Variants in CPQ observed in about 807,000 individuals in gnomAD.
CPQ encodes carboxypeptidase Q, also known as Ser-Met dipeptidase.
CPQ carries 37 observed loss-of-function variants against 45.7 expected under a neutral mutation model. The ratio of observed to expected loss-of-function variants is 0.81; its 90% CI spans 0.62 to 1.07. The LOEUF is 1.07. Among genes scored for constraint, CPQ ranks in the 50% least tolerant of loss-of-function variants. CPQ has a pLI of 0.00. For synonymous variants in CPQ, 186 were observed against 205.8 expected, an observed-to-expected ratio of 0.90 and a Z score of 0.82; for missense variants, 537 against 572.9, an observed-to-expected ratio of 0.94 and a Z score of 0.64.
intron 1 of CPQ, among the ~76,000 whole-genome samples, chr8:96,777,734 ATATATATATATATATATATATATATATTT>A (rs1810625339): frequency 1.5e-3 from 8 of 5,318 alleles, no homozygotes; most frequent in Non-Finnish European, 2.7e-3. Flanking sequence ...ATATATATAT[ATATATATATATATATATATATATATATTT>A]TTTTTTTTTT....
intron 4 of CPQ, among the ~76,000 whole-genome samples, chr8:96,880,344 G>A (rs569944091): frequency 8.4e-4 from 128 of 151,718 alleles, no homozygotes; most frequent in Middle Eastern, 3.4e-3. Flanking sequence ...AACAGAATTA[G>A]CGTTTGACCC....
intron 5 of CPQ, among the ~76,000 whole-genome samples, chr8:97,013,296 C>CAATAAT (rs748517315): frequency 2.0e-5 from 3 of 151,646 alleles, no homozygotes; most frequent in South Asian, 2.1e-4. Flanking sequence ...CAAGTAATAA[C>CAATAAT]AATAATAATA....
At chr8:97,070,059 G>GA (rs1357241818) in intron 7 of CPQ, among the ~76,000 whole-genome samples, 2 of 152,100 alleles carry the variant, frequency 1.3e-5, no homozygotes, top group South Asian at 2.1e-4. Context: ...AGGCTTTGGG[G>GA]AAAAAAGATT....
At chr8:96,917,217 A>G (rs958077863) in intron 4 of CPQ, among the ~76,000 whole-genome samples, 10 of 152,116 alleles carry the variant, frequency 6.6e-5, no homozygotes, top group African/African-American at 2.4e-4. Context: ...GTATATATAT[A>G]TTATCCATAA....
intron 7 of CPQ, among the ~76,000 whole-genome samples, chr8:97,125,041 T>A (rs1448293284): frequency 6.6e-6 from 1 of 152,080 alleles, no homozygotes; most frequent in African/African-American, 2.4e-5. Context: ...AGATGCAAAC[T>A]GGCAATCTCA....
At position 96,835,040 on chromosome 8, in the gene CPQ, A is replaced by C; in HGVS notation, c.501A>C (p.Arg167Ser). ...TGCAGAGAAGGGCCTCAGAAGCAAGAGGGAAGATTGTTGTTTATAACCAAC... is the reference window on the plus strand; with the variant it reads ...TGCAGAGAAGGGCCTCAGAAGCAAGCGGGAAGATTGTTGTTTATAACCAAC... Reference protein sequence around the residue: ...DELQRRASEARGKIVVYNQPY... With the variant: ...DELQRRASEASGKIVVYNQPY... Residue 167 changes from arginine to serine, a missense_variant, in exon 3 of 8, where the codon AGA becomes AGC. Transcript: ENST00000220763. 6.2e-7 allele frequency: 1 copy of C among 1,613,842 alleles called. No individual in the cohort carries two copies. Among genetic ancestry groups the C allele is most frequent in the African/African-American group, 1.3e-5 (1 of 75,040 alleles).
chr8:97,071,286 A>C (rs908604439), intron 7 of CPQ, among the ~76,000 whole-genome samples: 4 of 152,156 alleles, frequency 2.6e-5, no homozygotes, highest in African/African-American at 9.7e-5. Flanking sequence ...ATGGTACTGG[A>C]GAATCAGTAG....
chr8:97,065,621 G>A (rs1810623098), intron 6 of CPQ, among the ~76,000 whole-genome samples: 1 of 152,216 alleles, frequency 6.6e-6, no homozygotes, highest in Non-Finnish European at 1.5e-5. Flanking sequence ...TCTTTTGTCT[G>A]AGCATGGCTA....
chr8:96,735,247 G>A lies in CPQ; in HGVS notation c.-34-49617G>A, dbSNP rs187397497. 1.4e-3 allele frequency among the ~76,000 whole-genome samples: 219 copies of A among 152,258 alleles called. 4 individuals are homozygous for A. The highest frequency in any genetic ancestry group is 0.011 in the Admixed American group (170 of 15,284). On this transcript the variant is annotated intron_variant, in intron 1 of 7. Coordinates refer to ENST00000220763, the MANE Select transcript of CPQ (RefSeq NM_016134.4). ...AATCTCCCTTGTTTATTCCTTTTAT[G>A]TCTGTAGTACTAGCCTAGGGCCTGG...
chr8:96,864,932 A>G (rs1811977119), intron 3 of CPQ, among the ~76,000 whole-genome samples: 1 of 152,008 alleles, frequency 6.6e-6, no homozygotes, highest in South Asian at 2.1e-4. Flanking sequence ...ATACTGGACA[A>G]GTTACTTAAA....
At chr8:97,074,696 G>T (rs141768709) in intron 7 of CPQ, among the ~76,000 whole-genome samples, 1 of 152,076 alleles carries the variant, frequency 6.6e-6, no homozygotes, top group Non-Finnish European at 1.5e-5. Context: ...GCTTGAATCC[G>T]GGAGGCAGAG....
intron 1 of CPQ, among the ~76,000 whole-genome samples, chr8:96,673,865 G>A (rs1418606216): frequency 1.3e-5 from 2 of 152,024 alleles, no homozygotes; most frequent in African/African-American, 4.8e-5. Context: ...TGAATAAATC[G>A]CAATAAAATG....
chr8:96,978,671 A>G (rs1388132410), intron 5 of CPQ, among the ~76,000 whole-genome samples: 1 of 152,302 alleles, frequency 6.6e-6, no homozygotes, highest in African/African-American at 2.4e-5. Flanking sequence ...AAGTGAAGGC[A>G]TGTGGTTGTA....
At chr8:96,908,747 G>GCACACACA (rs34425501) in intron 4 of CPQ, among the ~76,000 whole-genome samples, 17,345 of 140,766 alleles carry the variant, frequency 0.12, 1,136 homozygotes, top group African/African-American at 0.16. Context: ...ATACACATGC[G>GCACACACA]CACACACACA....
intron 4 of CPQ, among the ~76,000 whole-genome samples, chr8:96,890,857 G>A (rs1191144495): frequency 2.0e-5 from 3 of 152,196 alleles, no homozygotes. Context: ...GATGGTGAGT[G>A]ATGCCACTTC....
intron 1 of CPQ, among the ~76,000 whole-genome samples, chr8:96,784,399 T>TGG (rs148121237): frequency 0.057 from 7,231 of 127,798 alleles, 180 homozygotes; most frequent in African/African-American, 0.081. Context: ...TGTTCTGAGG[T>TGG]GGGGGGGGGG....
At chr8:96,660,302 T>C (rs796492290) in intron 1 of CPQ, among the ~76,000 whole-genome samples, 33 of 152,322 alleles carry the variant, frequency 2.2e-4, no homozygotes, top group African/African-American at 7.9e-4. Flanking sequence ...ACCCCTGATA[T>C]CGCTCTGTGT....
intron 2 of CPQ, among the ~76,000 whole-genome samples, chr8:96,818,626 A>G (rs1488977721): frequency 6.6e-6 from 1 of 152,130 alleles, no homozygotes; most frequent in African/African-American, 2.4e-5. Flanking sequence ...GGGCAACTGT[A>G]TTCTGAGAAA....
intron 1 of CPQ, among the ~76,000 whole-genome samples, chr8:96,693,351 T>A (rs989346122): frequency 5.3e-5 from 8 of 151,886 alleles, no homozygotes; most frequent in African/African-American, 1.5e-4. Flanking sequence ...GATATCAATA[T>A]TCAAGTACAA....
Sources: allele counts gnomAD v4.1 joint callset (sites outside exome capture counted in the v4.1 genomes callset), GRCh38; gene constraint gnomAD v4.1.1; transcripts MANE v1.5; gene names NCBI Gene and HGNC (gene_info 2026-07-23, HGNC 2026-07-21).